Variants in ABCA10 observed in about 807,000 individuals in gnomAD.
ABCA10 encodes the protein ATP binding cassette subfamily A member 10.
A neutral mutation model predicts 187.5 loss-of-function variants in ABCA10; 169 were observed. The ratio of observed to expected loss-of-function variants is 0.90; its 90% CI spans 0.80 to 1.02. The LOEUF (loss-of-function observed/expected upper bound fraction) is 1.02. ABCA10 is among the 50% of genes least tolerant of loss of function. The probability of loss-of-function intolerance (pLI) is 0.00; values close to 1 mark genes in which losing one functional copy is unlikely to be tolerated. For synonymous variants in ABCA10, 574 were observed against 601.8 expected (o/e 0.95, Z 0.68); for missense variants, 1,727 against 1,812.4 (o/e 0.95, Z 0.86).
Position 69,148,547 on chromosome 17 carries a change from C to A in ABCA10, c.*280G>T. On this transcript the variant is annotated 3_prime_UTR_variant, in exon 39 of 39. Coordinates refer to ENST00000690296, the MANE Select transcript of ABCA10 (RefSeq NM_001377321.1). Reference sequence around the variant, plus strand: ...AGCTTTATTGATAATAACCGATAACCAACCTAATATTGTATGATTTTTAAA... The same window carrying A: ...AGCTTTATTGATAATAACCGATAACAAACCTAATATTGTATGATTTTTAAA... 2 of 252,678 alleles carry A rather than the reference C, an allele frequency of 7.9e-6. No individual in the cohort carries two copies. Among genetic ancestry groups the A allele is most frequent in the Non-Finnish European group, 1.5e-5 (2 of 133,070 alleles). 15.7% of individuals were successfully genotyped at this position (252,678 alleles called of 1,614,324 possible).
At chr17:69,222,750 G>A in intron 3 of ABCA10, 53 bp from the exon 4 acceptor site, 1 of 1,456,560 alleles carries the variant, frequency 6.9e-7, no homozygotes, top group Non-Finnish European at 9.1e-7. Flanking sequence ...ATTACTAGAG[G>A]ACACAAAAAC....
At chr17:69,220,009 A>T (rs1598123753) in intron 5 of ABCA10, among the ~76,000 whole-genome samples, 1 of 152,362 alleles carries the variant, frequency 6.6e-6, no homozygotes, top group East Asian at 1.9e-4. Context: ...TAATGGGGAA[A>T]CAGCAGCAAT....
intron 22 of ABCA10, among the ~76,000 whole-genome samples, chr17:69,180,241 G>A (rs1167067182): frequency 2.0e-5 from 3 of 152,028 alleles, no homozygotes; most frequent in African/African-American, 4.8e-5. Context: ...GGTAACAAAC[G>A]GTGCACAGCA....
In ABCA10 at chr17:69,215,859, A is replaced by C. The variant is rs2074699453; in HGVS notation, c.814T>G (p.Leu272Val). Reference sequence around the variant, plus strand: ...AAGGCAAAAGGGCTAAGAAGACTTAATACCCATCCCAAAGATAAAGGAAGT... The same window carrying C: ...AAGGCAAAAGGGCTAAGAAGACTTACTACCCATCCCAAAGATAAAGGAAGT... Reference protein sequence around the residue: ...RQLPLSLGWVLSLLSPFAFTA... With the variant: ...RQLPLSLGWVVSLLSPFAFTA... Residue 272 changes from leucine to valine, a missense_variant, in exon 8 of 39, where the codon TTA (leucine) becomes GTA (valine). Transcript: ENST00000690296. 6.2e-7 allele frequency: 1 copy of C among 1,613,216 alleles called. No individual in the cohort carries two copies. Among genetic ancestry groups the C allele is most frequent in the Non-Finnish European group, 8.5e-7 (1 of 1,179,788 alleles).
At chr17:69,160,978 T>C (rs2074213304) in intron 27 of ABCA10, among the ~76,000 whole-genome samples, 1 of 152,190 alleles carries the variant, frequency 6.6e-6, no homozygotes, top group Admixed American at 6.5e-5. Flanking sequence ...TAGCTTACAA[T>C]AGCCAAGAGG....
In ABCA10 at chr17:69,210,847, C is replaced by CACATATATATATATATATATATATATAT. The variant is rs1169352704; in HGVS notation, c.1006+3856_1006+3857insATATATATATATATATATATATATATGT. Among the ~76,000 whole-genome samples, 185 of 37,830 alleles carry CACATATATATATATATATATATATATAT rather than the reference C, an allele frequency of 4.9e-3. 6 individuals carry two copies. Among genetic ancestry groups the CACATATATATATATATATATATATATAT allele is most frequent in the African/African-American group, 9.7e-3 (168 of 17,322 alleles). 24.8% of individuals were successfully genotyped at this position (37,830 alleles called of 152,430 possible). A position where few individuals can be genotyped will look rare whatever the true frequency, so the allele number is the denominator to read the frequency against. The stretch of plus-strand genomic sequence containing the variant: ...ATATATATGCCACATATTTATGCCA[C>CACATATATATATATATATATATATATAT]ATATATATATATATATATGCCATAT... On this transcript the variant is annotated intron_variant, in intron 9 of 38. Transcript: ENST00000690296.
chr17:69,162,853 A>ATATATATATATATG lies in ABCA10; in HGVS notation c.3363+1220_3363+1221insCATATATATATATA, dbSNP rs879584508. ...TATACATATACATATATATATATAT[A>ATATATATATATATG]TATGAGACGGAGTCTCTCTCTGTTG... On this transcript the variant is annotated intron_variant, in intron 27 of 38. Coordinates refer to ENST00000690296, the MANE Select transcript of ABCA10 (RefSeq NM_001377321.1). 2.0e-5 allele frequency among the ~76,000 whole-genome samples: 3 copies of ATATATATATATATG among 149,606 alleles called. No individual in the cohort carries two copies. The East Asian group carries it at 5.9e-4, about 29-fold the overall frequency.
chr17:69,202,611 A>G (rs1236439249), intron 9 of ABCA10, among the ~76,000 whole-genome samples: 2 of 152,114 alleles, frequency 1.3e-5, no homozygotes, highest in Non-Finnish European at 2.9e-5. Flanking sequence ...AAGTCTTCTC[A>G]TGTTTTATTT....
intron 16 of ABCA10, 109 bp from the exon 17 acceptor site, chr17:69,191,424 CT>C: frequency 8.7e-7 from 1 of 1,146,516 alleles, no homozygotes; most frequent in Non-Finnish European, 1.1e-6. Flanking sequence ...GCATATTCTA[CT>C]TAACTCTAGT....
intron 17 of ABCA10, 54 bp from the exon 18 acceptor site, chr17:69,190,531 T>A: frequency 7.0e-7 from 1 of 1,435,560 alleles, no homozygotes; most frequent in Non-Finnish European, 9.3e-7. Flanking sequence ...ATGAGTATAT[T>A]AAAATACTAA....
intron 27 of ABCA10, among the ~76,000 whole-genome samples, chr17:69,162,488 A>G (rs570044261): frequency 3.3e-5 from 5 of 152,286 alleles, no homozygotes; most frequent in African/African-American, 1.2e-4. Flanking sequence ...TCTTTACTAG[A>G]AGGTCCTTCT....
upstream of ABCA10, among the ~76,000 whole-genome samples, chr17:69,231,604 G>A (rs2074832501): frequency 6.6e-6 from 1 of 151,980 alleles, no homozygotes; most frequent in Admixed American, 6.6e-5. Context: ...TTGATTTCTA[G>A]TTTTATTCCA....
intron 34 of ABCA10, 110 bp downstream of exon 34, chr17:69,153,195 A>T: frequency 1.6e-6 from 2 of 1,286,814 alleles, no homozygotes; most frequent in South Asian, 1.7e-5. Context: ...GAAGATGTGC[A>T]CATCAAAGGT....
chr17:69,171,138 C>T (rs539247619), intron 25 of ABCA10, among the ~76,000 whole-genome samples: 166 of 152,128 alleles, frequency 1.1e-3, no homozygotes, highest in African/African-American at 3.6e-3. Flanking sequence ...CTCCTCTCCC[C>T]GACAAAAACT....
At chr17:69,225,783 C>G (rs558512431) in intron 2 of ABCA10, among the ~76,000 whole-genome samples, 1 of 152,080 alleles carries the variant, frequency 6.6e-6, no homozygotes, top group African/African-American at 2.4e-5. Context: ...ATTAGTGGGA[C>G]TGCCATTGAT....
intron 22 of ABCA10, among the ~76,000 whole-genome samples, chr17:69,178,618 G>A (rs1568057577): frequency 1.3e-5 from 2 of 152,154 alleles, no homozygotes; most frequent in Non-Finnish European, 2.9e-5. Context: ...CCTGAGAAAG[G>A]ATGTTATTAA....
At chr17:69,164,430 T>C (rs1168728050) in intron 26 of ABCA10, among the ~76,000 whole-genome samples, 2 of 152,194 alleles carry the variant, frequency 1.3e-5, no homozygotes, top group African/African-American at 2.4e-5. Flanking sequence ...AACTATGAAG[T>C]AGGCAAGATT....
At chr17:69,182,916 A>C (rs2074391950) in intron 20 of ABCA10, 108 bp from the exon 21 acceptor site, 7 of 1,375,288 alleles carry the variant, frequency 5.1e-6, no homozygotes, top group Non-Finnish European at 5.9e-6. Context: ...AAAACCCAGA[A>C]TAGCTTAGTA....
rs949761205 is a variant in ABCA10 at position 69,181,174 on chromosome 17, C to T, written c.2769+979G>A. On this transcript the variant is annotated intron_variant, in intron 22 of 38. Transcript: ENST00000690296. ...GTATACATACATACACACTCTTTTG[C>T]ATTTGCATTAATCAGCGTATATGTC... Among the ~76,000 whole-genome samples, 3 of 152,116 alleles carry T rather than the reference C, an allele frequency of 2.0e-5. 1 individual carries two copies. The highest frequency in any genetic ancestry group is 2.0e-4 in the Admixed American group (3 of 15,260).
Sources: gnomAD v4.1 joint callset for allele counts (sites outside exome capture counted in the v4.1 genomes callset) on GRCh38, gnomAD v4.1.1 for gene constraint, MANE v1.5 for transcripts, NCBI Gene and HGNC (gene_info 2026-07-23, HGNC 2026-07-21) for gene names.